UBE3A: variants seen among roughly 807,000 people sequenced by gnomAD.
UBE3A encodes ubiquitin-protein ligase E3A.
Under a neutral mutation model 83.4 loss-of-function variants are expected in UBE3A, and 6 were observed. The observed-to-expected ratio is 0.07, with a 90% CI of 0.04 to 0.14. The LOEUF is 0.14. Ranked by LOEUF, UBE3A falls within the 10% of genes least tolerant of loss-of-function variation. UBE3A has a pLI of 1.00. For synonymous variants in UBE3A, 337 were observed against 355.4 expected (o/e 0.95, Z 0.58); for missense variants, 456 against 1,036.1 (o/e 0.44, Z 7.69).
intron 1 of UBE3A, among the ~76,000 whole-genome samples, chr15:25,412,273 C>G (rs144337281): frequency 6.6e-6 from 1 of 152,282 alleles, no homozygotes; most frequent in East Asian, 1.9e-4. Context: ...CATATGAAAA[C>G]TATTTGACTA....
Position 25,336,509 on chromosome 15 carries a change from A to T in UBE3A, c.*2628T>A, listed in dbSNP as rs1279025611. Reference sequence around the variant, plus strand: ...TCTGTACCGAGGAGGGATGAGTAACATCGGCAAGTTCTGTTCGAAGCCTTT... The same window carrying T: ...TCTGTACCGAGGAGGGATGAGTAACTTCGGCAAGTTCTGTTCGAAGCCTTT... On this transcript the variant is annotated 3_prime_UTR_variant, in exon 13 of 13. Coordinates refer to ENST00000648336, the MANE Select transcript of UBE3A (RefSeq NM_130839.5). The T allele has an allele frequency of 6.6e-6, 1 of 152,196 alleles. No homozygotes were observed. Among genetic ancestry groups the T allele is most frequent in the Non-Finnish European group, 1.5e-5 (1 of 68,038 alleles). 9.4% of individuals were successfully genotyped at this position (152,196 alleles called of 1,614,324 possible).
intron 12 of UBE3A, chr15:25,339,463 G>A (rs1202543608): frequency 2.0e-6 from 1 of 512,314 alleles, no homozygotes; most frequent in Admixed American, 3.6e-5. Flanking sequence ...ACGATGATAA[G>A]ATACTGTATC....
intron 4 of UBE3A, among the ~76,000 whole-genome samples, chr15:25,383,208 T>C (rs1438809025): frequency 6.6e-6 from 1 of 152,192 alleles, no homozygotes; most frequent in Non-Finnish European, 1.5e-5. Flanking sequence ...AATTCTCAAC[T>C]GGAATTTATT....
intron 1 of UBE3A, among the ~76,000 whole-genome samples, chr15:25,424,939 T>C (rs1055797554): frequency 1.3e-4 from 20 of 152,150 alleles, no homozygotes; most frequent in African/African-American, 4.3e-4. Context: ...ACTTCCCAAA[T>C]AGACCTACAG....
At chr15:25,350,290 T>G (rs2076305687) in intron 11 of UBE3A, among the ~76,000 whole-genome samples, 1 of 149,494 alleles carries the variant, frequency 6.7e-6, no homozygotes, top group South Asian at 2.1e-4. Flanking sequence ...GACAGAGACT[T>G]TGTCTCTTTA....
chr15:25,344,974 T>G (rs1014268494), intron 11 of UBE3A, among the ~76,000 whole-genome samples: 3 of 152,094 alleles, frequency 2.0e-5, no homozygotes, highest in Non-Finnish European at 4.4e-5. Context: ...ATTTTTTGTT[T>G]TATTCCCTCC....
chr15:25,345,287 C>T (rs1268698347), intron 11 of UBE3A, among the ~76,000 whole-genome samples: 2 of 151,960 alleles, frequency 1.3e-5, no homozygotes, highest in Non-Finnish European at 2.9e-5. Flanking sequence ...AGCTCTGGGC[C>T]CTTAAAACAC....
intron 2 of UBE3A, among the ~76,000 whole-genome samples, chr15:25,410,705 C>T (rs1299322958): frequency 2.0e-5 from 3 of 152,058 alleles, no homozygotes; most frequent in Non-Finnish European, 4.4e-5. Flanking sequence ...TGAGGATTGG[C>T]CTGAATATAT....
intron 11 of UBE3A, among the ~76,000 whole-genome samples, chr15:25,349,758 C>T (rs993552938): frequency 6.6e-6 from 1 of 152,152 alleles, no homozygotes; most frequent in Non-Finnish European, 1.5e-5. Context: ...TTTCCAACAT[C>T]ACTGCTCTTG....
intron 1 of UBE3A, among the ~76,000 whole-genome samples, chr15:25,425,603 A>AT (rs372364889): frequency 3.1e-4 from 47 of 152,116 alleles, no homozygotes; most frequent in African/African-American, 1.1e-3. Flanking sequence ...CCTTCCAGGC[A>AT]TTTTTTTCCC....
chr15:25,359,345 GAACA>G (rs1386631772), intron 7 of UBE3A, among the ~76,000 whole-genome samples: 11 of 151,772 alleles, frequency 7.2e-5, no homozygotes, highest in Admixed American at 6.6e-4. Flanking sequence ...GATTTACTTA[GAACA>G]AACTACATAC....
At chr15:25,359,316 C>T (rs1399774368) in intron 7 of UBE3A, among the ~76,000 whole-genome samples, 5 of 152,022 alleles carry the variant, frequency 3.3e-5, no homozygotes, top group African/African-American at 9.7e-5. Flanking sequence ...TCAAAAAGGG[C>T]GTCGTCTTAT....
chr15:25,376,781 G>A (rs879884297), intron 4 of UBE3A, among the ~76,000 whole-genome samples: 2 of 151,512 alleles, frequency 1.3e-5, no homozygotes, highest in East Asian at 1.9e-4. Flanking sequence ...TCCATCACGT[G>A]AAATCTTATA....
chr15:25,371,688 C>G lies in UBE3A; in HGVS notation c.486G>C (p.Gln162His), dbSNP rs1360686874. ...RVFSSAEALV[Q>H]SFRKVKQHTK... ...TGTGTTGTTTAACTTTCCGGAAGCT[C>G]TGTACCAATGCCTCAGCACTAGAAA... Residue 162 changes from glutamine (Q) to histidine (H), a missense_variant, in exon 6 of 13, where the codon CAG becomes CAC. By Grantham distance (24) the Gln-to-His change is conservative. Coordinates refer to ENST00000648336, the MANE Select transcript of UBE3A (RefSeq NM_130839.5). This position sits in a 1 kb window ranked among gnomAD's most constrained non-coding sequence, Gnocchi z 5.3. 6.2e-7 allele frequency: 1 copy of G among 1,614,062 alleles called. No individual in the cohort carries two copies. The highest frequency in any genetic ancestry group is 1.1e-5 in the South Asian group (1 of 91,068).
chr15:25,396,158 G>A (rs748965486), intron 4 of UBE3A, among the ~76,000 whole-genome samples: 3 of 151,604 alleles, frequency 2.0e-5, no homozygotes, highest in Non-Finnish European at 4.4e-5. Flanking sequence ...GCCAAATTGC[G>A]CCACTGCACT....
chr15:25,376,058 G>C (rs554111658), intron 4 of UBE3A, among the ~76,000 whole-genome samples: 257 of 152,244 alleles, frequency 1.7e-3, no homozygotes, highest in Non-Finnish European at 1.7e-3. Flanking sequence ...TGGTATATGT[G>C]CTTAAGTTGT....
chr15:25,366,749 CTATA>C (rs968476770), intron 6 of UBE3A, among the ~76,000 whole-genome samples: 2 of 151,958 alleles, frequency 1.3e-5, no homozygotes, highest in African/African-American at 4.8e-5. Context: ...CTCTTTCTCT[CTATA>C]TATGCACACA....
intron 6 of UBE3A, among the ~76,000 whole-genome samples, chr15:25,364,614 C>T (rs2152761645): frequency 6.6e-6 from 1 of 151,106 alleles, no homozygotes; most frequent in East Asian, 2.0e-4. Context: ...ATTTACAATA[C>T]ACACGTGGAT....
chr15:25,353,743 G>A (rs2076841825), intron 11 of UBE3A, among the ~76,000 whole-genome samples: 1 of 152,288 alleles, frequency 6.6e-6, no homozygotes, highest in Admixed American at 6.5e-5. Context: ...ACCAGTCTTA[G>A]CAGGGGATGG....
Sources: gnomAD v4.1 joint callset for allele counts (sites outside exome capture counted in the v4.1 genomes callset) on GRCh38, gnomAD v4.1.1 for gene constraint, Gnocchi (gnomAD v3.1) non-coding constraint, MANE v1.5 for transcripts, NCBI Gene and HGNC (gene_info 2026-07-23, HGNC 2026-07-21) for gene names.